B3GALT5: variants seen among roughly 807,000 people sequenced by gnomAD.
The protein encoded by B3GALT5 is beta-1,3-galactosyltransferase 5.
For synonymous variants in B3GALT5, 156 were observed against 158.6 expected (o/e 0.98, Z 0.12); for missense variants, 328 against 396.6 (o/e 0.83, Z 1.47).
Position 39,642,351 on chromosome 21 carries a change from C to T in B3GALT5, c.-391-4041C>T, listed in dbSNP as rs138331935. Among the ~76,000 whole-genome samples, 623 of 152,300 alleles carry T rather than the reference C, an allele frequency of 4.1e-3. 5 individuals are homozygous for T. Among genetic ancestry groups the T allele is most frequent in the East Asian group, 0.023 (119 of 5,178 alleles). ...GTTAGTAATAAATGGTAATAAATTA[C>T]TGATCTCTGCTCTGGGGAAACCGAG... On this transcript the variant is annotated intron_variant, in intron 1 of 3. Coordinates refer to ENST00000684187, the MANE Select transcript of B3GALT5 (RefSeq NM_001356336.2).
At chr21:39,615,102 C>G (rs2079100709) in intron 1 of B3GALT5, among the ~76,000 whole-genome samples, 1 of 152,174 alleles carries the variant, frequency 6.6e-6, no homozygotes, top group Admixed American at 6.5e-5. Context: ...CCTTTCTCCT[C>G]CTACTGCTTA....
Position 39,624,805 on chromosome 21 carries a change from TA to T in B3GALT5, c.-392+11749del, listed in dbSNP as rs978803239. Among the ~76,000 whole-genome samples the T allele has an allele frequency of 7.0e-3, 999 of 143,448 alleles. 10 individuals are homozygous for T. Among genetic ancestry groups the T allele is most frequent in the African/African-American group, 0.021 (826 of 39,444 alleles). 94.1% of individuals were successfully genotyped at this position (143,448 alleles called of 152,430 possible). A position where few individuals can be genotyped will look rare whatever the true frequency, so the allele number is the denominator to read the frequency against. ...CTAGTTGTTAGCTAATCAGTTTACC[TA>T]AAAAAAAAAAGTGCAAAAATAAAAT... On this transcript the variant is annotated intron_variant, in intron 1 of 3. Transcript: ENST00000684187.
In B3GALT5 at chr21:39,646,483, G is replaced by A. The variant is rs2079341133; in HGVS notation, c.-300G>A. The A allele has an allele frequency of 6.6e-6, 1 of 152,178 alleles. No homozygotes were observed. The highest frequency in any genetic ancestry group is 1.5e-5 in the Non-Finnish European group (1 of 68,040). 9.4% of individuals were successfully genotyped at this position (152,178 alleles called of 1,614,324 possible). A position where few individuals can be genotyped will look rare whatever the true frequency, so the allele number is the denominator to read the frequency against. The stretch of plus-strand genomic sequence containing the variant: ...ACAAAGAAACATAATTTGGCTTTTG[G>A]AGACATGAGCAGCTTCATTTCTCAT... On this transcript the variant is annotated 5_prime_UTR_variant, in exon 2 of 4. Transcript: ENST00000684187.
intron 1 of B3GALT5, among the ~76,000 whole-genome samples, chr21:39,639,408 C>CTTTCTT (rs1569212418): frequency 1.2e-5 from 1 of 82,170 alleles, no homozygotes; most frequent in African/African-American, 4.6e-5. Flanking sequence ...CTTTTTCTTT[C>CTTTCTT]TTTCTTTCTT....
At chr21:39,622,882 T>C (rs2079141203) in intron 1 of B3GALT5, among the ~76,000 whole-genome samples, 1 of 152,066 alleles carries the variant, frequency 6.6e-6, no homozygotes, top group Non-Finnish European at 1.5e-5. Context: ...AGACTGTATA[T>C]ATATTTTTAA....
chr21:39,636,635 C>T (rs1321830990), intron 1 of B3GALT5, among the ~76,000 whole-genome samples: 1 of 151,952 alleles, frequency 6.6e-6, no homozygotes, highest in Non-Finnish European at 1.5e-5. Flanking sequence ...TTATTGTTGC[C>T]CACGAATTCC....
intron 1 of B3GALT5, among the ~76,000 whole-genome samples, chr21:39,626,011 C>T (rs2079161920): frequency 6.6e-6 from 1 of 152,064 alleles, no homozygotes; most frequent in Admixed American, 6.5e-5. Context: ...TATTGTGTGA[C>T]CTTCACTACT....
intron 1 of B3GALT5, among the ~76,000 whole-genome samples, chr21:39,638,426 C>T (rs899202481): frequency 9.9e-5 from 15 of 152,272 alleles, no homozygotes; most frequent in African/African-American, 2.9e-4. Flanking sequence ...CAGAAGGATG[C>T]GGAGGCGGGC....
At chr21:39,620,723 G>A (rs1053288605) in intron 1 of B3GALT5, among the ~76,000 whole-genome samples, 2 of 152,040 alleles carry the variant, frequency 1.3e-5, no homozygotes, top group Non-Finnish European at 2.9e-5. Flanking sequence ...ATAATAAACC[G>A]ACCTTTGTAT....
intron 1 of B3GALT5, among the ~76,000 whole-genome samples, chr21:39,627,147 G>A (rs1300909770): frequency 1.3e-5 from 2 of 152,212 alleles, no homozygotes; most frequent in Admixed American, 6.5e-5. Flanking sequence ...TAGCTTGGCT[G>A]AGGTTGCATT....
At chr21:39,650,627 G>C (rs985112139) in intron 2 of B3GALT5, among the ~76,000 whole-genome samples, 1 of 152,164 alleles carries the variant, frequency 6.6e-6, no homozygotes, top group African/African-American at 2.4e-5. Flanking sequence ...CCTGCGTGCA[G>C]ATGCCAGCGC....
At position 39,664,433 on chromosome 21, in the gene B3GALT5, C is replaced by G. The variant is rs1187477772; in HGVS notation, c.*2941C>G. 2 of 152,784 alleles carry G rather than the reference C, an allele frequency of 1.3e-5. No homozygotes were observed. The highest frequency in any genetic ancestry group is 4.8e-5 in the African/African-American group (2 of 41,426). 9.5% of individuals were successfully genotyped at this position (152,784 alleles called of 1,614,324 possible). ...TCTTCTTCCACAGCTCCTGATGTGGCCTCACTCTCGTCCTACCACCTGCTG... is the reference window on the plus strand; with the variant it reads ...TCTTCTTCCACAGCTCCTGATGTGGGCTCACTCTCGTCCTACCACCTGCTG... On this transcript the variant is annotated 3_prime_UTR_variant, in exon 4 of 4. Transcript: ENST00000684187.
chr21:39,650,783 G>A (rs201836413), intron 2 of B3GALT5, among the ~76,000 whole-genome samples: 1 of 68,102 alleles, frequency 1.5e-5, no homozygotes, highest in Admixed American at 1.6e-4. Flanking sequence ...AGTTTGTTTT[G>A]CTTAGTAGAA....
Position 39,634,980 on chromosome 21 carries a change from A to G in B3GALT5, c.-391-11412A>G, listed in dbSNP as rs952662439. On this transcript the variant is annotated intron_variant, in intron 1 of 3. Transcript: ENST00000684187. ...AAAGCATTTGTCATCTCAAGGCAGA[A>G]ATCACCCACTTTTTACAAGAATGTC... 7.2e-5 allele frequency among the ~76,000 whole-genome samples: 11 copies of G among 152,286 alleles called. No individual in the cohort carries two copies. The South Asian group carries it at 1.0e-3, about 14-fold the overall frequency.
chr21:39,639,212 C>T (rs1356460131), intron 1 of B3GALT5, among the ~76,000 whole-genome samples: 2 of 152,162 alleles, frequency 1.3e-5, no homozygotes, highest in Non-Finnish European at 2.9e-5. Flanking sequence ...CTGACTTTGC[C>T]TAGCATGAAA....
At chr21:39,655,498 C>T (rs896119868) in intron 2 of B3GALT5, among the ~76,000 whole-genome samples, 4 of 152,156 alleles carry the variant, frequency 2.6e-5, no homozygotes, top group East Asian at 1.9e-4. Flanking sequence ...AATCTCCCTC[C>T]GCCCTGTGAC....
In B3GALT5 at chr21:39,668,403, G is replaced by A. The variant is rs1160697751; in HGVS notation, c.*6911G>A. The A allele has an allele frequency of 1.3e-5, 2 of 152,170 alleles. No homozygotes were observed. Among genetic ancestry groups the A allele is most frequent in the Non-Finnish European group, 2.9e-5 (2 of 68,044 alleles). 9.4% of individuals were successfully genotyped at this position (152,170 alleles called of 1,614,324 possible). On this transcript the variant is annotated 3_prime_UTR_variant, in exon 4 of 4. Transcript: ENST00000684187. ...ATATTCCAAATATCCCTGATTTGGGGGGCAAGGTCTGTGTGTGATTTGCAG... is the reference window on the plus strand; with the variant it reads ...ATATTCCAAATATCCCTGATTTGGGAGGCAAGGTCTGTGTGTGATTTGCAG...
chr21:39,661,023 C>T lies in B3GALT5; in HGVS notation c.464C>T (p.Thr155Ile). 1.2e-6 allele frequency: 2 copies of T among 1,613,900 alleles called. No homozygotes were observed. The highest frequency in any genetic ancestry group is 1.7e-6 in the Non-Finnish European group (2 of 1,179,822). The change falls in exon 4 of 4, where the codon ACA becomes ATA. Residue 155 changes from threonine to isoleucine, a missense_variant. By Grantham distance (89) the Thr-to-Ile change is moderately conservative. Transcript: ENST00000684187. This position sits in a 1 kb window ranked among gnomAD's most constrained non-coding sequence, Gnocchi z 4.7. ...CCTCAGGCGGCGTTTGTGATGAAAA[C>T]AGACTCAGACATGTTCATCAATGTT... ...FCPQAAFVMK[T>I]DSDMFINVDY...
rs1401473921 is a variant in B3GALT5 at position 39,672,116 on chromosome 21, T to C, written c.*10624T>C. 1 of 152,258 alleles carries C rather than the reference T, an allele frequency of 6.6e-6. No individual in the cohort carries two copies. The highest frequency in any genetic ancestry group is 1.5e-5 in the Non-Finnish European group (1 of 68,040). 9.4% of individuals were successfully genotyped at this position (152,258 alleles called of 1,614,324 possible). Reference sequence around the variant, plus strand: ...TTTACATCATCTATTCTACCTCCATTCACTGGTCAAAGAAGCGCAGAGTTA... The same window carrying C: ...TTTACATCATCTATTCTACCTCCATCCACTGGTCAAAGAAGCGCAGAGTTA... On this transcript the variant is annotated 3_prime_UTR_variant, in exon 4 of 4. Transcript: ENST00000684187.
Sources: gnomAD v4.1 joint callset for allele counts (sites outside exome capture counted in the v4.1 genomes callset) on GRCh38, gnomAD v4.1.1 for gene constraint, Gnocchi (gnomAD v3.1) non-coding constraint, MANE v1.5 for transcripts, NCBI Gene and HGNC (gene_info 2026-07-23, HGNC 2026-07-21) for gene names.